Variants in PAX3 observed in about 807,000 individuals in gnomAD.
PAX3 encodes the protein paired box protein Pax-3.
In PAX3, 14 loss-of-function variants were observed where a neutral mutation model predicts 51.6. The ratio of observed to expected loss-of-function variants is 0.27; its 90% confidence interval spans 0.18 to 0.42. PAX3 has a LOEUF of 0.42. PAX3 is among the 10% of genes least tolerant of loss of function. The pLI, the probability that PAX3 is intolerant of heterozygous loss-of-function variation, is 1.00. For missense variants in PAX3, 540 were observed against 642.8 expected, an observed-to-expected ratio of 0.84 and a Z score of 1.73; for synonymous variants, 280 against 253.4, an observed-to-expected ratio of 1.11 and a Z score of -1.00.
At position 222,298,602 on chromosome 2, in the gene PAX3, G is replaced by C. The variant is rs1278926101; in HGVS notation, c.14C>G (p.Ala5Gly). The change falls in exon 1 of 9, where the codon GCC (alanine) becomes GGC (glycine). Residue 5 changes from alanine (A) to glycine (G), a missense_variant. Ala to Gly is a moderately conservative substitution (Grantham distance 60). This residue lies in a region of PAX3 where 63 missense variants were observed against 49.9 expected (regional missense o/e 1.26). Transcript: ENST00000392070. MTTL[A>G]GAVPRMMRPG... ...CCGCATCATCCTGGGCACAGCGCCGGCCAGCGTGGTCATCCTGGGGGCAGC... is the reference window on the plus strand; with the variant it reads ...CCGCATCATCCTGGGCACAGCGCCGCCCAGCGTGGTCATCCTGGGGGCAGC... 6.2e-6 allele frequency: 10 copies of C among 1,606,566 alleles called. No homozygotes were observed. Among genetic ancestry groups the C allele is most frequent in the Admixed American group, 5.1e-5 (3 of 59,102 alleles).
chr2:222,210,154 T>C (rs773015492), intron 7 of PAX3, among the ~76,000 whole-genome samples: 1 of 152,242 alleles, frequency 6.6e-6, no homozygotes, highest in Non-Finnish European at 1.5e-5. Flanking sequence ...CAACTTGATG[T>C]AGGCTGGCAA....
chr2:222,267,092 A>G (rs535715193), intron 4 of PAX3, among the ~76,000 whole-genome samples: 36 of 152,358 alleles, frequency 2.4e-4, no homozygotes, highest in African/African-American at 8.7e-4. Flanking sequence ...TCTAACTGAT[A>G]GTTCAAGAAG....
intron 7 of PAX3, among the ~76,000 whole-genome samples, chr2:222,207,251 T>C (rs1278409815): frequency 6.6e-6 from 1 of 152,168 alleles, no homozygotes; most frequent in African/African-American, 2.4e-5. Flanking sequence ...AGCAGAGACT[T>C]TCCTGAAAAT....
chr2:222,279,801 A>G (rs1460512179), intron 4 of PAX3, among the ~76,000 whole-genome samples: 2 of 152,232 alleles, frequency 1.3e-5, no homozygotes, highest in Admixed American at 1.3e-4. Context: ...AAAATTATGA[A>G]AGTTAGCCAA....
intron 7 of PAX3, among the ~76,000 whole-genome samples, chr2:222,218,000 T>C (rs1692032079): frequency 6.6e-6 from 1 of 152,208 alleles, no homozygotes; most frequent in Non-Finnish European, 1.5e-5. Context: ...AGGAGGAATT[T>C]CATATTATTT....
At chr2:222,293,050 C>T (rs540412205) in intron 4 of PAX3, among the ~76,000 whole-genome samples, 1 of 152,236 alleles carries the variant, frequency 6.6e-6, no homozygotes, top group Non-Finnish European at 1.5e-5. Flanking sequence ...ACTTGGATGC[C>T]ACTCTGGTAA....
intron 7 of PAX3, among the ~76,000 whole-genome samples, chr2:222,204,038 A>C (rs1691409576): frequency 6.6e-6 from 1 of 152,190 alleles, no homozygotes; most frequent in Non-Finnish European, 1.5e-5. Context: ...CAGGAATCTA[A>C]GATTTTTTGA....
At chr2:222,225,661 G>A (rs1289972512) in intron 5 of PAX3, among the ~76,000 whole-genome samples, 1 of 152,128 alleles carries the variant, frequency 6.6e-6, no homozygotes, top group Middle Eastern at 3.2e-3. Flanking sequence ...GGGGGTCTCT[G>A]TTTTCCCATG....
At position 222,297,555 on chromosome 2, in the gene PAX3, C is replaced by A. The variant is rs45555633; in HGVS notation, c.86-342G>T. On this transcript the variant is annotated intron_variant, in intron 1 of 8. Transcript: ENST00000392070. Reference sequence around the variant, plus strand: ...GCTTGCTCTAGAAACAGCCTCCTGGCGAAGAGAAGTTCACCCAGGAGCTGG... The same window carrying A: ...GCTTGCTCTAGAAACAGCCTCCTGGAGAAGAGAAGTTCACCCAGGAGCTGG... Among the ~76,000 whole-genome samples, 6 of 152,318 alleles carry A rather than the reference C, an allele frequency of 3.9e-5. No homozygotes were observed. The South Asian group carries it at 1.0e-3, about 26-fold the overall frequency.
intron 4 of PAX3, among the ~76,000 whole-genome samples, chr2:222,290,096 C>T: frequency 6.6e-6 from 1 of 152,206 alleles, no homozygotes; most frequent in East Asian, 1.9e-4. Flanking sequence ...TTCCTGCTCA[C>T]TAACCGGGAA....
chr2:222,247,594 C>A (rs982836462), intron 4 of PAX3, among the ~76,000 whole-genome samples: 5 of 152,050 alleles, frequency 3.3e-5, no homozygotes, highest in Admixed American at 6.6e-5. Context: ...AAATTTCAAA[C>A]CTATATCTCT....
Position 222,223,103 on chromosome 2 carries a change from G to A in PAX3, c.793-1716C>T, listed in dbSNP as rs181321949. On this transcript the variant is annotated intron_variant, in intron 5 of 8. Transcript: ENST00000392070. ...TCTTAAAGTCAGATCATTTAAGAGCGGAGGAAAAGATTTTTCTGGAGAAGA... is the reference window on the plus strand; with the variant it reads ...TCTTAAAGTCAGATCATTTAAGAGCAGAGGAAAAGATTTTTCTGGAGAAGA... Among the ~76,000 whole-genome samples the A allele has an allele frequency of 3.8e-3, 583 of 152,184 alleles. 2 individuals are homozygous for A. The highest frequency in any genetic ancestry group is 6.8e-3 in the Non-Finnish European group (464 of 67,990).
intron 4 of PAX3, chr2:222,263,188 G>C (rs1007473513): frequency 1.3e-5 from 2 of 152,162 alleles, no homozygotes; most frequent in Non-Finnish European, 2.9e-5. Context: ...TAGAGATTGA[G>C]AGAAAATATT....
intron 4 of PAX3, among the ~76,000 whole-genome samples, chr2:222,254,110 T>A (rs1291908018): frequency 1.3e-5 from 2 of 152,154 alleles, no homozygotes; most frequent in African/African-American, 2.4e-5. Context: ...AGTTTTTTTT[T>A]AATATGACAT....
chr2:222,252,673 C>G (rs1441260837), intron 4 of PAX3, among the ~76,000 whole-genome samples: 1 of 152,098 alleles, frequency 6.6e-6, no homozygotes, highest in Non-Finnish European at 1.5e-5. Context: ...TGTTATTCTC[C>G]TATGTTCAGA....
Position 222,204,752 on chromosome 2 carries a change from C to A in PAX3, c.1174-2562G>T, listed in dbSNP as rs934614303. 2.0e-5 allele frequency among the ~76,000 whole-genome samples: 3 copies of A among 152,190 alleles called. No homozygotes were observed. In the South Asian group the frequency reaches 6.2e-4, roughly 32 times the overall value. On this transcript the variant is annotated intron_variant, in intron 7 of 8. Coordinates refer to ENST00000392070, the MANE Select transcript of PAX3 (RefSeq NM_181458.4). Reference sequence around the variant, plus strand: ...ATATCAGTCCAGAGAGGAAAGATATCCAGTGGCACTAAATAAAAGGAAAAT... The same window carrying A: ...ATATCAGTCCAGAGAGGAAAGATATACAGTGGCACTAAATAAAAGGAAAAT...
intron 3 of PAX3, 40 bp from the exon 4 acceptor site, chr2:222,294,341 G>C: frequency 6.2e-7 from 1 of 1,611,336 alleles, no homozygotes; most frequent in Non-Finnish European, 8.5e-7. Context: ...GAGCGCACAT[G>C]GTTGAGACAA....
chr2:222,211,701 T>A (rs551621335), intron 7 of PAX3, among the ~76,000 whole-genome samples: 1 of 152,284 alleles, frequency 6.6e-6, no homozygotes, highest in African/African-American at 2.4e-5. Flanking sequence ...CAGGAAATGT[T>A]CCTTAAAACT....
chr2:222,258,212 T>C (rs2106138532), intron 4 of PAX3, among the ~76,000 whole-genome samples: 1 of 152,324 alleles, frequency 6.6e-6, no homozygotes, highest in South Asian at 2.1e-4. Context: ...AAACAATATA[T>C]TTGTCTGCGT....
Sources: allele counts gnomAD v4.1 joint callset (sites outside exome capture counted in the v4.1 genomes callset), GRCh38; gene constraint gnomAD v4.1.1; regional missense constraint gnomAD v4.1.1; transcripts MANE v1.5; gene names NCBI Gene and HGNC (gene_info 2026-07-23, HGNC 2026-07-21).